TEAD4: variants seen among roughly 807,000 people sequenced by gnomAD.
TEAD4 encodes transcriptional enhancer factor TEF-3.
TEAD4 carries 36 observed loss-of-function variants against 52.4 expected under a neutral mutation model. The observed-to-expected ratio is 0.69, with a 90% CI of 0.53 to 0.91. The LOEUF is 0.91. Among genes scored for constraint, TEAD4 ranks in the 40% least tolerant of loss-of-function variants. The pLI is 0.00. For synonymous variants in TEAD4, 220 were observed against 231.0 expected, an observed-to-expected ratio of 0.95 and a Z score of 0.43; for missense variants, 508 against 583.9, an observed-to-expected ratio of 0.87 and a Z score of 1.34.
intron 10 of TEAD4, among the ~76,000 whole-genome samples, chr12:3,026,159 T>C (rs1664043598): frequency 6.6e-6 from 1 of 152,244 alleles, no homozygotes; most frequent in Non-Finnish European, 1.5e-5. Context: ...TTTCCAGGAA[T>C]CTCTGTTATG....
intron 2 of TEAD4, among the ~76,000 whole-genome samples, chr12:2,984,063 C>T (rs2098236129): frequency 6.6e-6 from 1 of 152,172 alleles, no homozygotes; most frequent in Admixed American, 6.5e-5. Flanking sequence ...CAGGTAGCAG[C>T]ACCTCCACCA....
chr12:3,021,745 C>T (rs1565547305), intron 9 of TEAD4, 99 bp from the exon 10 acceptor site: 13 of 1,296,392 alleles, frequency 1.0e-5, no homozygotes, highest in African/African-American at 1.5e-5. Context: ...AAAGGCCAAG[C>T]GGCTTGCACC....
intron 3 of TEAD4, among the ~76,000 whole-genome samples, chr12:3,001,027 A>G (rs1172346594): frequency 1.3e-5 from 2 of 151,992 alleles, no homozygotes; most frequent in African/African-American, 2.4e-5. Flanking sequence ...AGCTGCTCCT[A>G]TGCTCCTCCC....
intron 3 of TEAD4, among the ~76,000 whole-genome samples, chr12:3,005,689 C>T (rs758379074): frequency 5.3e-5 from 8 of 152,084 alleles, no homozygotes; most frequent in South Asian, 2.1e-4. Flanking sequence ...TTAGTAGAGA[C>T]GGGGTTTCAT....
chr12:2,996,754 C>T (rs1043618378), intron 3 of TEAD4, among the ~76,000 whole-genome samples: 7 of 151,848 alleles, frequency 4.6e-5, no homozygotes, highest in Non-Finnish European at 8.8e-5. Flanking sequence ...CTTGCTCTGT[C>T]GCCCAGGCTG....
At chr12:3,009,072 T>C (rs180758551) in intron 3 of TEAD4, among the ~76,000 whole-genome samples, 26 of 152,284 alleles carry the variant, frequency 1.7e-4, no homozygotes, top group African/African-American at 5.8e-4. Context: ...GAGGTCTGTT[T>C]CCTACATCTG....
At chr12:2,977,273 C>T (rs1305774622) in intron 2 of TEAD4, among the ~76,000 whole-genome samples, 1 of 152,194 alleles carries the variant, frequency 6.6e-6, no homozygotes, top group Non-Finnish European at 1.5e-5. Context: ...AACGCTAAAT[C>T]TCTGCCCCAG....
intron 3 of TEAD4, among the ~76,000 whole-genome samples, chr12:3,005,655 C>T (rs2098255359): frequency 6.6e-6 from 1 of 151,044 alleles, no homozygotes; most frequent in Admixed American, 6.6e-5. Context: ...CGCCACCATG[C>T]CCGGCTATAT....
At chr12:2,993,843 G>A (rs1018117334) in intron 2 of TEAD4, among the ~76,000 whole-genome samples, 3 of 152,142 alleles carry the variant, frequency 2.0e-5, no homozygotes, top group African/African-American at 7.2e-5. Flanking sequence ...TGTAACTGGC[G>A]TGTTTCACTC....
At chr12:3,040,333 C>T in intron 12 of TEAD4, 32 bp from the exon 13 acceptor site, 1 of 1,613,874 alleles carries the variant, frequency 6.2e-7, no homozygotes, top group Non-Finnish European at 8.5e-7. Flanking sequence ...CTTCTGGGGC[C>T]TTATTAACCC....
chr12:3,000,034 G>C (rs2098250444), intron 3 of TEAD4, among the ~76,000 whole-genome samples: 1 of 152,124 alleles, frequency 6.6e-6, no homozygotes, highest in Non-Finnish European at 1.5e-5. Context: ...CCTATTAGCA[G>C]CCCGTCAGTT....
At chr12:3,030,828 T>C (rs539609599) in intron 10 of TEAD4, among the ~76,000 whole-genome samples, 2 of 152,244 alleles carry the variant, frequency 1.3e-5, no homozygotes, top group South Asian at 4.1e-4. Context: ...GGGTGGACGG[T>C]CATGGCCACG....
intron 3 of TEAD4, among the ~76,000 whole-genome samples, chr12:3,006,872 A>G (rs2098256342): frequency 1.3e-5 from 2 of 150,986 alleles, no homozygotes; most frequent in South Asian, 4.2e-4. Context: ...TAAAAATAAC[A>G]AAAATTAGCC....
chr12:2,976,498 C>A lies in TEAD4; in HGVS notation c.-30+16458C>A, dbSNP rs1443924635. 4.6e-5 allele frequency among the ~76,000 whole-genome samples: 7 copies of A among 152,290 alleles called. No individual in the cohort carries two copies. In the East Asian group the frequency reaches 1.4e-3, roughly 29 times the overall value. On this transcript the variant is annotated intron_variant, in intron 2 of 12. Coordinates refer to ENST00000359864, the MANE Select transcript of TEAD4 (RefSeq NM_003213.4). ...TCCTCTGGGTACCTGTTTCCAGGGGCCTCTGGGCCGGGCGCTGTTCTGGAA... is the reference window on the plus strand; with the variant it reads ...TCCTCTGGGTACCTGTTTCCAGGGGACTCTGGGCCGGGCGCTGTTCTGGAA...
chr12:2,983,509 A>G (rs1299873312), intron 2 of TEAD4, among the ~76,000 whole-genome samples: 4 of 152,286 alleles, frequency 2.6e-5, no homozygotes, highest in African/African-American at 9.6e-5. Flanking sequence ...TTCTTGTTTT[A>G]CAGATAAGCA....
chr12:3,034,706 G>A (rs189966972), intron 10 of TEAD4, among the ~76,000 whole-genome samples: 3 of 152,340 alleles, frequency 2.0e-5, no homozygotes, highest in Admixed American at 2.0e-4. Flanking sequence ...GCTGAGGCAG[G>A]AGGATCACTT....
chr12:3,020,674 GC>G lies in TEAD4; in HGVS notation c.629del (p.Pro210ArgfsTer87). On this transcript the variant is annotated frameshift_variant, in exon 9 of 13. Transcript: ENST00000359864. LOFTEE classifies it high-confidence loss of function. ...CAGGGCCCGCCCCATCGCCCTCTGC[GC>G]CCCCGGCACCCCCATGGCAGGGCCG... 3.1e-6 allele frequency: 5 copies of G among 1,603,370 alleles called. No individual in the cohort carries two copies. Among genetic ancestry groups the G allele is most frequent in the South Asian group, 2.2e-5 (2 of 89,260 alleles).
In TEAD4 at chr12:3,020,657, G is replaced by T. The variant is rs371373848; in HGVS notation, c.607G>T (p.Ala203Ser). 14 of 1,593,200 alleles carry T rather than the reference G, an allele frequency of 8.8e-6. No homozygotes were observed. The highest frequency in any genetic ancestry group is 1.2e-5 in the Non-Finnish European group (14 of 1,168,606). The change falls in exon 9 of 13, where the codon GCC becomes TCC. Residue 203 changes from alanine (A) to serine (S), a missense_variant. Physicochemically the swap from Ala to Ser is moderately conservative, Grantham distance 99. Coordinates refer to ENST00000359864, the MANE Select transcript of TEAD4 (RefSeq NM_003213.4). Reference sequence around the variant, plus strand: ...AGGGTTTGAGTCTCCTGCAGGGCCCGCCCCATCGCCCTCTGCGCCCCCGGC... The same window carrying T: ...AGGGTTTGAGTCTCCTGCAGGGCCCTCCCCATCGCCCTCTGCGCCCCCGGC...
chr12:2,974,768 C>T (rs192048081), intron 2 of TEAD4, among the ~76,000 whole-genome samples: 1 of 152,170 alleles, frequency 6.6e-6, no homozygotes, highest in Admixed American at 6.5e-5. Context: ...TGCTTGGACA[C>T]CTGGTTTGGG....
Sources: allele counts gnomAD v4.1 joint callset (sites outside exome capture counted in the v4.1 genomes callset), GRCh38; gene constraint gnomAD v4.1.1; transcripts MANE v1.5; gene names NCBI Gene and HGNC (gene_info 2026-07-23, HGNC 2026-07-21).